TTLL5: variants seen among roughly 807,000 people sequenced by gnomAD.
TTLL5 encodes tubulin polyglutamylase TTLL5.
Under a neutral mutation model 168.4 loss-of-function variants are expected in TTLL5, and 132 were observed. The observed-to-expected ratio is 0.78, with a 90% CI of 0.68 to 0.91. TTLL5 has a LOEUF of 0.91. Ranked by LOEUF, TTLL5 falls within the 40% of genes least tolerant of loss-of-function variation. The pLI is 0.00. For missense variants in TTLL5, 1,545 were observed against 1,581.5 expected (o/e 0.98, Z 0.39); for synonymous variants, 546 against 558.6 (o/e 0.98, Z 0.32).
intron 15 of TTLL5, chr14:75,744,746 A>G (rs1451373663): frequency 6.2e-6 from 1 of 162,502 alleles, no homozygotes; most frequent in East Asian, 1.7e-4. Context: ...TATTGAGGGC[A>G]TCTTCAGATT....
chr14:75,819,576 TA>T (rs1894710612), intron 27 of TTLL5, among the ~76,000 whole-genome samples: 1 of 152,250 alleles, frequency 6.6e-6, no homozygotes, highest in Non-Finnish European at 1.5e-5. Flanking sequence ...TTTTTCTTTC[TA>T]AATCAGTGGA....
chr14:75,669,613 A>G, intron 3 of TTLL5, 91 bp downstream of exon 3: 1 of 1,050,794 alleles, frequency 9.5e-7, no homozygotes, highest in Non-Finnish European at 1.3e-6. Context: ...ATATAGGGAA[A>G]GGGCCTTGGC....
intron 29 of TTLL5, among the ~76,000 whole-genome samples, chr14:75,875,226 C>T (rs886950136): frequency 3.1e-4 from 46 of 149,018 alleles, no homozygotes; most frequent in African/African-American, 1.1e-3. Flanking sequence ...AGCCACTGCG[C>T]GCGGCCTATA....
intron 3 of TTLL5, among the ~76,000 whole-genome samples, chr14:75,678,636 T>A (rs1409464517): frequency 6.6e-6 from 1 of 152,310 alleles, no homozygotes; most frequent in East Asian, 1.9e-4. Context: ...TTTACAGATA[T>A]CCTTAAATTT....
chr14:75,831,689 A>G (rs1383869760), intron 28 of TTLL5, among the ~76,000 whole-genome samples: 3 of 152,150 alleles, frequency 2.0e-5, no homozygotes, highest in African/African-American at 7.2e-5. Context: ...AGAGACGCCA[A>G]ATCTTTGAAG....
intron 31 of TTLL5, among the ~76,000 whole-genome samples, chr14:75,941,978 A>G (rs1022988528): frequency 9.3e-5 from 14 of 151,308 alleles, no homozygotes; most frequent in African/African-American, 2.9e-4. Context: ...TCAGGAGATC[A>G]AGACCATCCT....
intron 17 of TTLL5, among the ~76,000 whole-genome samples, chr14:75,750,144 C>T (rs1889859153): frequency 6.6e-6 from 1 of 151,846 alleles, no homozygotes; most frequent in Non-Finnish European, 1.5e-5. Context: ...TACTTTTTTC[C>T]TGCTGCATCA....
intron 31 of TTLL5, among the ~76,000 whole-genome samples, chr14:75,939,840 A>G (rs1566669712): frequency 6.6e-6 from 1 of 152,180 alleles, no homozygotes; most frequent in Non-Finnish European, 1.5e-5. Context: ...ACTAGAAGCT[A>G]TTCTAGAAGA....
intron 21 of TTLL5, among the ~76,000 whole-genome samples, chr14:75,772,137 A>G (rs1404531177): frequency 1.3e-5 from 2 of 152,172 alleles, no homozygotes; most frequent in African/African-American, 4.8e-5. Flanking sequence ...TTGATTTCTC[A>G]TTGGACGTGA....
intron 31 of TTLL5, among the ~76,000 whole-genome samples, chr14:75,909,021 AC>A (rs2033260146): frequency 6.6e-6 from 1 of 151,692 alleles, no homozygotes; most frequent in Admixed American, 6.6e-5. Flanking sequence ...CAAGCAATCC[AC>A]CTGCCTTGGC....
At chr14:75,923,569 G>A (rs949460093) in intron 31 of TTLL5, among the ~76,000 whole-genome samples, 2 of 152,304 alleles carry the variant, frequency 1.3e-5, no homozygotes, top group East Asian at 1.9e-4. Context: ...ACTGTGATCC[G>A]AGAGACAGTT....
At chr14:75,765,042 A>G (rs1484864905) in intron 19 of TTLL5, among the ~76,000 whole-genome samples, 2 of 152,218 alleles carry the variant, frequency 1.3e-5, no homozygotes, top group African/African-American at 4.8e-5. Flanking sequence ...TACTCTAGAA[A>G]TAATATTAGC....
chr14:75,699,241 A>AG lies in TTLL5; in HGVS notation c.561dup (p.Arg188AlafsTer25), dbSNP rs746069709. 6.2e-7 allele frequency: 1 copy of AG among 1,613,870 alleles called. No homozygotes were observed. The highest frequency in any genetic ancestry group is 1.7e-5 in the Admixed American group (1 of 59,988). On this transcript the variant is annotated frameshift_variant, in exon 7 of 32. Transcript: ENST00000298832. LOFTEE classifies it high-confidence loss of function. Reference sequence around the variant, plus strand: ...GATAGTAAAACCAGTGGCATCTTCAAGGGGGCGGGGCGTCTACCTGATCAA... The same window carrying AG: ...GATAGTAAAACCAGTGGCATCTTCAAGGGGGGCGGGGCGTCTACCTGATCAA...
intron 12 of TTLL5, among the ~76,000 whole-genome samples, chr14:75,722,876 T>C (rs1887932531): frequency 6.6e-6 from 1 of 152,186 alleles, no homozygotes; most frequent in African/African-American, 2.4e-5. Flanking sequence ...TGTGTTACTT[T>C]ACCTAATAAA....
chr14:75,825,895 A>G (rs551004239), intron 28 of TTLL5, among the ~76,000 whole-genome samples: 8 of 152,154 alleles, frequency 5.3e-5, no homozygotes, highest in Non-Finnish European at 8.8e-5. Flanking sequence ...CCAGACACGT[A>G]ACCTCTCAAG....
intron 28 of TTLL5, among the ~76,000 whole-genome samples, chr14:75,840,001 C>T (rs759281728): frequency 6.6e-6 from 1 of 152,156 alleles, no homozygotes; most frequent in Non-Finnish European, 1.5e-5. Context: ...TATTTTCTCC[C>T]ATTCCATTGA....
intron 31 of TTLL5, among the ~76,000 whole-genome samples, chr14:75,918,078 C>T (rs991660212): frequency 6.6e-6 from 1 of 152,172 alleles, no homozygotes; most frequent in Non-Finnish European, 1.5e-5. Flanking sequence ...TCTGTTCCTA[C>T]CGGCATTGTG....
chr14:75,881,067 C>A (rs891686404), intron 29 of TTLL5, among the ~76,000 whole-genome samples: 1 of 152,174 alleles, frequency 6.6e-6, no homozygotes. Context: ...GCAGGCACCA[C>A]CACGTCTAGC....
rs773067716 is a variant in TTLL5, at chr14:75,927,548, G to A, written c.3823+25324G>A. The stretch of plus-strand genomic sequence containing the variant: ...TCTTCACATCTTAGATGGACAAATT[G>A]TTGATCAATACGTATTTAGTGTGTC... On this transcript the variant is annotated intron_variant, in intron 31 of 31. Transcript: ENST00000298832. Among the ~76,000 whole-genome samples the A allele has an allele frequency of 6.6e-5, 10 of 152,326 alleles. No homozygotes were observed. In the Middle Eastern group the frequency reaches 0.014, roughly 207 times the overall value.
Sources: allele counts gnomAD v4.1 joint callset (sites outside exome capture counted in the v4.1 genomes callset), GRCh38; gene constraint gnomAD v4.1.1; transcripts MANE v1.5; gene names NCBI Gene and HGNC (gene_info 2026-07-23, HGNC 2026-07-21).